Variants in LUZP2 observed in about 807,000 individuals in gnomAD.
The protein encoded by LUZP2 is leucine zipper protein 2.
A neutral mutation model predicts 51.6 loss-of-function variants in LUZP2; 52 were observed. That is an observed-to-expected ratio of 1.01 (90% CI 0.81 to 1.27). LUZP2 has a LOEUF of 1.27. LUZP2 is among the 50% of genes most tolerant of loss of function. The probability of loss-of-function intolerance (pLI) is 0.00; values close to 1 mark genes in which losing one functional copy is unlikely to be tolerated. For synonymous variants in LUZP2, 154 were observed against 137.3 expected (o/e 1.12, Z -0.85); for missense variants, 436 against 395.4 (o/e 1.10, Z -0.87).
chr11:24,879,334 T>C (rs1852379237), intron 5 of LUZP2, among the ~76,000 whole-genome samples: 1 of 152,218 alleles, frequency 6.6e-6, no homozygotes, highest in Non-Finnish European at 1.5e-5. Context: ...GGCATTTTAG[T>C]TGGTTCCATG....
intron 7 of LUZP2, among the ~76,000 whole-genome samples, chr11:24,964,642 C>CTA (rs1199578738): frequency 1.3e-5 from 2 of 152,032 alleles, no homozygotes; most frequent in East Asian, 3.9e-4. Context: ...TACTATGTGG[C>CTA]TATTCCTCCT....
intron 5 of LUZP2, among the ~76,000 whole-genome samples, chr11:24,880,665 G>C (rs1852431213): frequency 6.6e-6 from 1 of 152,042 alleles, no homozygotes; most frequent in Admixed American, 6.6e-5. Context: ...GCTGTGGGTT[G>C]AGATCTCTTA....
intron 5 of LUZP2, among the ~76,000 whole-genome samples, chr11:24,843,785 T>A (rs1851109796): frequency 6.6e-6 from 1 of 152,066 alleles, no homozygotes; most frequent in Non-Finnish European, 1.5e-5. Flanking sequence ...ACTGTTCTCA[T>A]GATAGTGAAT....
intron 5 of LUZP2, among the ~76,000 whole-genome samples, chr11:24,811,852 A>T (rs988372397): frequency 2.6e-5 from 4 of 152,152 alleles, no homozygotes; most frequent in South Asian, 2.1e-4. Flanking sequence ...CAGAGAAGAA[A>T]TCCAAGGGCT....
chr11:24,625,547 C>T (rs1196057420), intron 1 of LUZP2, among the ~76,000 whole-genome samples: 2 of 151,910 alleles, frequency 1.3e-5, no homozygotes, highest in South Asian at 2.1e-4. Flanking sequence ...AATTATACCT[C>T]CAATAAAGCT....
At chr11:24,769,418 C>G (rs75462580) in intron 5 of LUZP2, among the ~76,000 whole-genome samples, 12,206 of 152,166 alleles carry the variant, frequency 0.08, 1,057 homozygotes, top group African/African-American at 0.22. Context: ...AATAACAACT[C>G]TTTGAGGTGA....
intron 7 of LUZP2, among the ~76,000 whole-genome samples, chr11:24,923,676 C>T (rs996626279): frequency 6.6e-6 from 1 of 151,736 alleles, no homozygotes; most frequent in Non-Finnish European, 1.5e-5. Context: ...CAGCCTGGCA[C>T]AGACGAGAAA....
At chr11:24,839,353 CTTG>C (rs1458234926) in intron 5 of LUZP2, among the ~76,000 whole-genome samples, 4 of 151,536 alleles carry the variant, frequency 2.6e-5, no homozygotes, top group Non-Finnish European at 4.4e-5. Flanking sequence ...ATGGTTAAAT[CTTG>C]TTGTTCTATT....
intron 6 of LUZP2, among the ~76,000 whole-genome samples, chr11:24,911,390 T>C (rs1474846403): frequency 1.3e-5 from 2 of 152,146 alleles, no homozygotes; most frequent in Non-Finnish European, 1.5e-5. Flanking sequence ...CTCACCTTGA[T>C]TTGTAATCCC....
chr11:24,554,117 C>T (rs759715540), intron 1 of LUZP2, among the ~76,000 whole-genome samples: 2 of 152,128 alleles, frequency 1.3e-5, no homozygotes, highest in African/African-American at 2.4e-5. Flanking sequence ...TCCCATATCC[C>T]GTCTACGGTG....
intron 9 of LUZP2, among the ~76,000 whole-genome samples, chr11:25,012,957 TATGGA>T (rs1857026038): frequency 6.6e-6 from 1 of 152,118 alleles, no homozygotes; most frequent in South Asian, 2.1e-4. Flanking sequence ...ATAGCAAATA[TATGGA>T]ATCAACCTAA....
chr11:24,525,855 A>C (rs892537252), intron 1 of LUZP2, among the ~76,000 whole-genome samples: 1 of 151,394 alleles, frequency 6.6e-6, no homozygotes, highest in East Asian at 1.9e-4. Context: ...AAAAACTTGG[A>C]TTTAAACAGG....
At chr11:24,997,489 G>A (rs890126530) in intron 9 of LUZP2, among the ~76,000 whole-genome samples, 2 of 152,124 alleles carry the variant, frequency 1.3e-5, no homozygotes, top group Non-Finnish European at 2.9e-5. Flanking sequence ...TTGTAAATTT[G>A]TTTGAGTTCA....
At chr11:24,783,422 T>A (rs1198347245) in intron 5 of LUZP2, among the ~76,000 whole-genome samples, 1 of 152,018 alleles carries the variant, frequency 6.6e-6, no homozygotes, top group Non-Finnish European at 1.5e-5. Flanking sequence ...GTAAATGTAT[T>A]TGCTAATCAT....
intron 1 of LUZP2, among the ~76,000 whole-genome samples, chr11:24,657,825 T>C (rs1238195624): frequency 1.3e-5 from 2 of 152,136 alleles, no homozygotes; most frequent in Non-Finnish European, 2.9e-5. Context: ...CCATTCACAA[T>C]TGCTTCAAAG....
At chr11:24,762,932 T>C in intron 4 of LUZP2, 1 of 933,926 alleles carries the variant, frequency 1.1e-6, no homozygotes, top group Non-Finnish European at 1.3e-6. Context: ...TTTTCTTTTT[T>C]TAAAGAACCA....
chr11:24,721,495 CT>C (rs1858268446), intron 1 of LUZP2, among the ~76,000 whole-genome samples: 1 of 151,954 alleles, frequency 6.6e-6, no homozygotes, highest in South Asian at 2.1e-4. Flanking sequence ...GTTTTTAATT[CT>C]TGATAATAAA....
At chr11:24,741,530 T>C (rs1031000330) in intron 4 of LUZP2, among the ~76,000 whole-genome samples, 2 of 151,872 alleles carry the variant, frequency 1.3e-5, no homozygotes, top group Non-Finnish European at 2.9e-5. Flanking sequence ...CAGTATACAC[T>C]GCATCCTATT....
chr11:24,828,649 C>T (rs1433738630), intron 5 of LUZP2, among the ~76,000 whole-genome samples: 1 of 151,570 alleles, frequency 6.6e-6, no homozygotes, highest in African/African-American at 2.4e-5. Context: ...GTGTCATAAC[C>T]TGCGTGAATA....
Sources: gnomAD v4.1 joint callset for allele counts (sites outside exome capture counted in the v4.1 genomes callset) on GRCh38, gnomAD v4.1.1 for gene constraint, MANE v1.5 for transcripts, NCBI Gene and HGNC (gene_info 2026-07-23, HGNC 2026-07-21) for gene names.